The following KCNH1 variants were observed in gnomAD, a reference collection of about 807,000 sequenced individuals.
KCNH1 encodes potassium voltage-gated channel subfamily H member 1.
In KCNH1, 27 loss-of-function variants were observed where a neutral mutation model predicts 69.2. That is an observed-to-expected ratio of 0.39 (90% CI 0.29 to 0.54). KCNH1 has a LOEUF of 0.54. KCNH1 is among the 20% of genes least tolerant of loss of function. The pLI, the probability that KCNH1 is intolerant of heterozygous loss-of-function variation, is 0.68. For synonymous variants in KCNH1, 456 were observed against 487.7 expected (o/e 0.93, Z 0.86); for missense variants, 798 against 1,261.6 (o/e 0.63, Z 5.57).
At chr1:210,762,494 GGAGA>G (rs1683542922) in intron 10 of KCNH1, among the ~76,000 whole-genome samples, 1 of 151,972 alleles carries the variant, frequency 6.6e-6, no homozygotes, top group African/African-American at 2.4e-5. Context: ...GATGAACAAA[GGAGA>G]GAGAAGCTCC....
In KCNH1 at chr1:210,679,462, C is replaced by T. The variant is rs1300255780; in HGVS notation, c.*3819G>A. On this transcript the variant is annotated 3_prime_UTR_variant, in exon 11 of 11. Transcript: ENST00000271751. ...ATCTCCACCAGGGCTCCTAAAATTTCCCAGAGTATGCATGGGAGACATAGT... is the reference window on the plus strand; with the variant it reads ...ATCTCCACCAGGGCTCCTAAAATTTTCCAGAGTATGCATGGGAGACATAGT... The T allele has an allele frequency of 2.6e-5, 4 of 152,210 alleles. No homozygotes were observed. The highest frequency in any genetic ancestry group is 4.4e-5 in the Non-Finnish European group (3 of 68,066). 9.4% of individuals were successfully genotyped at this position (152,210 alleles called of 1,614,324 possible).
At chr1:210,913,999 G>GA (rs889960904) in intron 7 of KCNH1, among the ~76,000 whole-genome samples, 40 of 151,570 alleles carry the variant, frequency 2.6e-4, no homozygotes, top group Admixed American at 1.2e-3. Flanking sequence ...CACATGGCTG[G>GA]AAAAAAAAGC....
At chr1:210,775,277 CTGGTCACAGTGATTATCCAAAG>C in intron 10 of KCNH1, 49 bp downstream of exon 10, 1 of 1,342,212 alleles carries the variant, frequency 7.5e-7, no homozygotes, top group Non-Finnish European at 1.0e-6. Flanking sequence ...AGGGACTTTT[CTGGTCACAGTGATTATCCAAAG>C]TGTACAGAGA....
At chr1:210,987,464 G>A (rs1362859320) in intron 6 of KCNH1, among the ~76,000 whole-genome samples, 1 of 152,142 alleles carries the variant, frequency 6.6e-6, no homozygotes, top group East Asian at 1.9e-4. Flanking sequence ...GGTTTTTGGT[G>A]TGGATGTCCT....
At chr1:210,948,203 TAA>T (rs879884169) in intron 6 of KCNH1, among the ~76,000 whole-genome samples, 18 of 138,498 alleles carry the variant, frequency 1.3e-4, no homozygotes, top group Non-Finnish European at 9.4e-5. Flanking sequence ...CCTGTCTCTT[TAA>T]AAAAAAAAAA....
chr1:210,926,565 T>C (rs534259847), intron 6 of KCNH1, among the ~76,000 whole-genome samples: 2 of 152,150 alleles, frequency 1.3e-5, no homozygotes, highest in South Asian at 2.1e-4. Context: ...ATCTGAACAA[T>C]AGCCCTTGAA....
chr1:210,818,821 G>A (rs1380503617), intron 7 of KCNH1, among the ~76,000 whole-genome samples: 1 of 152,090 alleles, frequency 6.6e-6, no homozygotes, highest in Admixed American at 6.6e-5. Context: ...TCTCAACTAG[G>A]GGAATATTAG....
intron 1 of KCNH1, among the ~76,000 whole-genome samples, chr1:211,115,728 TATAC>T (rs1558611413): frequency 0.067 from 5,913 of 87,854 alleles, 210 homozygotes; most frequent in African/African-American, 0.12. Context: ...TATATATATA[TATAC>T]ACACACACAC....
chr1:210,911,407 T>G (rs34295995), intron 7 of KCNH1, among the ~76,000 whole-genome samples: 2 of 152,108 alleles, frequency 1.3e-5, no homozygotes, highest in Admixed American at 6.6e-5. Context: ...AAAATATAAT[T>G]TTAATTCAAA....
intron 7 of KCNH1, among the ~76,000 whole-genome samples, chr1:210,848,625 A>G (rs1165249722): frequency 6.6e-6 from 1 of 152,216 alleles, no homozygotes; most frequent in Non-Finnish European, 1.5e-5. Flanking sequence ...CATCTTTTGA[A>G]TAACAGCATA....
chr1:211,030,095 C>G (rs1558574683), intron 5 of KCNH1, among the ~76,000 whole-genome samples: 1 of 152,176 alleles, frequency 6.6e-6, no homozygotes, highest in Non-Finnish European at 1.5e-5. Context: ...AATCGTTATA[C>G]AAGTTTAGCA....
chr1:210,790,880 C>G (rs1043530618), intron 9 of KCNH1, among the ~76,000 whole-genome samples: 1 of 152,198 alleles, frequency 6.6e-6, no homozygotes, highest in African/African-American at 2.4e-5. Flanking sequence ...GACCTTTAAA[C>G]TCATCCATAG....
chr1:211,110,576 A>G (rs1259422387), intron 1 of KCNH1, among the ~76,000 whole-genome samples: 1 of 152,172 alleles, frequency 6.6e-6, no homozygotes, highest in Non-Finnish European at 1.5e-5. Context: ...CCAATACATA[A>G]TAAAGGATGG....
At chr1:210,833,223 C>T (rs1413841856) in intron 7 of KCNH1, among the ~76,000 whole-genome samples, 1 of 152,070 alleles carries the variant, frequency 6.6e-6, no homozygotes, top group Non-Finnish European at 1.5e-5. Context: ...AAGTAGGGCA[C>T]ACAACCTGAG....
At chr1:210,922,554 C>G (rs1687485547) in intron 6 of KCNH1, among the ~76,000 whole-genome samples, 1 of 152,098 alleles carries the variant, frequency 6.6e-6, no homozygotes, top group Non-Finnish European at 1.5e-5. Context: ...CAGGGTCAGT[C>G]TCATCCAAAC....
At chr1:211,061,745 T>C (rs1397430029) in intron 5 of KCNH1, among the ~76,000 whole-genome samples, 5 of 152,076 alleles carry the variant, frequency 3.3e-5, no homozygotes, top group Non-Finnish European at 7.4e-5. Flanking sequence ...TACCTGTGAA[T>C]TAATTTATCC....
chr1:211,086,131 C>T (rs1045413107), intron 4 of KCNH1, among the ~76,000 whole-genome samples: 6 of 152,122 alleles, frequency 3.9e-5, no homozygotes, highest in Admixed American at 6.5e-5. Context: ...GCACCTAGCA[C>T]GAGGCTAGGC....
At chr1:210,963,313 A>G (rs6657292) in intron 6 of KCNH1, among the ~76,000 whole-genome samples, 81,606 of 151,838 alleles carry the variant, frequency 0.54, 22,099 homozygotes, top group East Asian at 0.65. Flanking sequence ...AGGTAGATAA[A>G]TCCACGAAGA....
At position 210,760,529 on chromosome 1, in the gene KCNH1, A is replaced by G. The variant is rs559153379; in HGVS notation, c.2112+14819T>C. Reference sequence around the variant, plus strand: ...CACTACCAGACCAGTCCTACAAAAAATGCTTAAAGGAGTCCTAAACATGGA... The same window carrying G: ...CACTACCAGACCAGTCCTACAAAAAGTGCTTAAAGGAGTCCTAAACATGGA... On this transcript the variant is annotated intron_variant, in intron 10 of 10. Transcript: ENST00000271751. Among the ~76,000 whole-genome samples the G allele has an allele frequency of 4.6e-5, 7 of 152,364 alleles. No homozygotes were observed. The South Asian group carries it at 8.3e-4, about 18-fold the overall frequency.
Sources: allele counts gnomAD v4.1 joint callset (sites outside exome capture counted in the v4.1 genomes callset), GRCh38; gene constraint gnomAD v4.1.1; transcripts MANE v1.5; gene names NCBI Gene and HGNC (gene_info 2026-07-23, HGNC 2026-07-21).